SLX4IP: variants seen among roughly 807,000 people sequenced by gnomAD.
The protein encoded by SLX4IP is SLX4 interacting protein.
SLX4IP carries 34 observed loss-of-function variants against 32.9 expected under a neutral mutation model. The observed-to-expected ratio is 1.03, with a 90% CI of 0.79 to 1.38. The LOEUF (loss-of-function observed/expected upper bound fraction) is 1.38, where lower values mean the gene tolerates loss of function less well. Among genes scored for constraint, SLX4IP ranks in the 40% most tolerant of loss-of-function variants. SLX4IP has a pLI of 0.00. For synonymous variants in SLX4IP, 172 were observed against 171.7 expected (o/e 1.00, Z -0.01); for missense variants, 444 against 479.0 (o/e 0.93, Z 0.68).
intron 2 of SLX4IP, among the ~76,000 whole-genome samples, chr20:10,501,716 A>C (rs961043276): frequency 5.3e-5 from 8 of 150,760 alleles, no homozygotes; most frequent in Non-Finnish European, 1.0e-4. Context: ...CTACTTACCC[A>C]GACAAACAGA....
intron 6 of SLX4IP, among the ~76,000 whole-genome samples, chr20:10,603,860 G>T (rs1203547471): frequency 6.6e-6 from 1 of 152,042 alleles, no homozygotes; most frequent in Non-Finnish European, 1.5e-5. Context: ...TCCCACAAAT[G>T]ACCCATCAAG....
intron 4 of SLX4IP, among the ~76,000 whole-genome samples, chr20:10,587,344 C>T (rs1487135359): frequency 6.6e-6 from 1 of 152,020 alleles, no homozygotes; most frequent in Non-Finnish European, 1.5e-5. Flanking sequence ...AATATGTCTA[C>T]AAAAAGTCTA....
At chr20:10,604,093 T>C (rs2122552587) in intron 6 of SLX4IP, among the ~76,000 whole-genome samples, 1 of 152,322 alleles carries the variant, frequency 6.6e-6, no homozygotes, top group Non-Finnish European at 1.5e-5. Flanking sequence ...CTGGACTTGC[T>C]TCAAGCTTTG....
intron 4 of SLX4IP, among the ~76,000 whole-genome samples, chr20:10,575,123 G>A (rs1568749654): frequency 6.6e-6 from 1 of 152,250 alleles, no homozygotes; most frequent in East Asian, 1.9e-4. Context: ...GCCCCACTAG[G>A]AGTAGGAGGA....
At chr20:10,585,633 A>G (rs1568755487) in intron 4 of SLX4IP, among the ~76,000 whole-genome samples, 1 of 147,300 alleles carries the variant, frequency 6.8e-6, no homozygotes, top group Non-Finnish European at 1.5e-5. Flanking sequence ...CCCAGGCTGG[A>G]TGGAGCGCAG....
intron 1 of SLX4IP, among the ~76,000 whole-genome samples, chr20:10,452,527 G>C (rs914790983): frequency 2.6e-5 from 4 of 151,546 alleles, no homozygotes; most frequent in Non-Finnish European, 5.9e-5. Flanking sequence ...TTAGCTGGGC[G>C]TGGTGGCATG....
intron 2 of SLX4IP, among the ~76,000 whole-genome samples, chr20:10,495,031 G>C (rs570026371): frequency 3.9e-5 from 6 of 152,212 alleles, no homozygotes; most frequent in African/African-American, 1.4e-4. Context: ...ATGTTAATTA[G>C]CTTGTTTAAT....
intron 2 of SLX4IP, 111 bp downstream of exon 2, chr20:10,458,342 G>A: frequency 8.9e-7 from 1 of 1,118,834 alleles, no homozygotes; most frequent in Non-Finnish European, 1.2e-6. Context: ...TTACACTTGG[G>A]ACTCTGCAAA....
chr20:10,511,556 T>G (rs926602783), intron 2 of SLX4IP, among the ~76,000 whole-genome samples: 2 of 152,244 alleles, frequency 1.3e-5, no homozygotes, highest in Admixed American at 1.3e-4. Flanking sequence ...TCTTCACCAG[T>G]AACAGCAAGC....
Position 10,625,308 on chromosome 20 carries a change from A to G in SLX4IP, c.*1929A>G, listed in dbSNP as rs2067160107. ...ATTTAGATATAGGGAGGGCACAAGT[A>G]ATAAGTAACCCAGGGGATAGACCAA... On this transcript the variant is annotated 3_prime_UTR_variant, in exon 8 of 8. Coordinates refer to ENST00000334534, the MANE Select transcript of SLX4IP (RefSeq NM_001009608.3). The G allele has an allele frequency of 6.6e-6, 1 of 152,248 alleles. No homozygotes were observed. Among genetic ancestry groups the G allele is most frequent in the Admixed American group, 6.5e-5 (1 of 15,284 alleles). 9.4% of individuals were successfully genotyped at this position (152,248 alleles called of 1,614,324 possible). A position where few individuals can be genotyped will look rare whatever the true frequency, so the allele number is the denominator to read the frequency against.
intron 2 of SLX4IP, among the ~76,000 whole-genome samples, chr20:10,537,441 C>G (rs757430690): frequency 6.6e-6 from 1 of 152,196 alleles, no homozygotes; most frequent in South Asian, 2.1e-4. Flanking sequence ...AACACTGTTT[C>G]GTGAGGCATG....
rs753798069 is a variant in SLX4IP at position 10,621,360 on chromosome 20, CAG to C, written c.457_458del (p.Ser153PhefsTer21). 14 of 1,614,044 alleles carry C rather than the reference CAG, an allele frequency of 8.7e-6. No homozygotes were observed. The highest frequency in any genetic ancestry group is 6.7e-5 in the East Asian group (3 of 44,900). ...GTGTCTGATTACTTTGCTGAGTGTGCAGAGAGTTCACTTCCTCCCAGTGCAAA... is the reference window on the plus strand; with the variant it reads ...GTGTCTGATTACTTTGCTGAGTGTGCAGAGTTCACTTCCTCCCAGTGCAAA... On this transcript the variant is annotated frameshift_variant, in exon 7 of 8. Transcript: ENST00000334534. LOFTEE classifies it high-confidence loss of function.
chr20:10,565,864 G>A (rs2066387312), intron 4 of SLX4IP, among the ~76,000 whole-genome samples: 2 of 152,128 alleles, frequency 1.3e-5, no homozygotes, highest in Admixed American at 6.5e-5. Flanking sequence ...CCAGCTCCAA[G>A]TCCAGGACTT....
At position 10,625,731 on chromosome 20, in the gene SLX4IP, C is replaced by A. The variant is rs968218171; in HGVS notation, c.*2352C>A. The A allele has an allele frequency of 2.6e-5, 4 of 152,162 alleles. No homozygotes were observed. Among genetic ancestry groups the A allele is most frequent in the African/African-American group, 9.7e-5 (4 of 41,428 alleles). 9.4% of individuals were successfully genotyped at this position (152,162 alleles called of 1,614,324 possible). On this transcript the variant is annotated 3_prime_UTR_variant, in exon 8 of 8. Coordinates refer to ENST00000334534, the MANE Select transcript of SLX4IP (RefSeq NM_001009608.3). ...GATGTAGTTTTCCTCACAGCCCTCACGTCCCTTCATGTAAAAGGGATTTTA... is the reference window on the plus strand; with the variant it reads ...GATGTAGTTTTCCTCACAGCCCTCAAGTCCCTTCATGTAAAAGGGATTTTA...
chr20:10,474,633 G>A (rs569718933), intron 2 of SLX4IP, among the ~76,000 whole-genome samples: 1 of 152,354 alleles, frequency 6.6e-6, no homozygotes, highest in South Asian at 2.1e-4. Flanking sequence ...GGCCAGATGG[G>A]CCTTGGGGGC....
rs754979130 is a variant in SLX4IP, at chr20:10,621,424, A to G, written c.506+10A>G. ...ATGCTCTGAAAGAAATGTAGGTGCA[A>G]TGTGTTTCCTTTTTCTCATTTTTGC... On this transcript the variant is annotated intron_variant, in intron 7 of 7. Coordinates refer to ENST00000334534, the MANE Select transcript of SLX4IP (RefSeq NM_001009608.3). The G allele has an allele frequency of 1.1e-5, 17 of 1,612,990 alleles. No homozygotes were observed. The highest frequency in any genetic ancestry group is 1.3e-5 in the Non-Finnish European group (15 of 1,179,088).
chr20:10,454,879 A>G (rs965521879), intron 1 of SLX4IP, among the ~76,000 whole-genome samples: 1 of 152,192 alleles, frequency 6.6e-6, no homozygotes, highest in Non-Finnish European at 1.5e-5. Context: ...TGAGAGTTCC[A>G]GTTTATTCAC....
chr20:10,504,086 C>T (rs1374631131), intron 2 of SLX4IP, among the ~76,000 whole-genome samples: 2 of 152,204 alleles, frequency 1.3e-5, no homozygotes, highest in Non-Finnish European at 2.9e-5. Flanking sequence ...AAAGAAGCAG[C>T]AGCCATGAAG....
At chr20:10,575,114 C>T (rs1481480915) in intron 4 of SLX4IP, among the ~76,000 whole-genome samples, 2 of 152,090 alleles carry the variant, frequency 1.3e-5, no homozygotes, top group African/African-American at 4.8e-5. Context: ...GGCATTCCTG[C>T]CCCACTAGGA....
Sources: gnomAD v4.1 joint callset for allele counts (sites outside exome capture counted in the v4.1 genomes callset) on GRCh38, gnomAD v4.1.1 for gene constraint, MANE v1.5 for transcripts, NCBI Gene and HGNC (gene_info 2026-07-23, HGNC 2026-07-21) for gene names.